ACOXL: variants seen among roughly 807,000 people sequenced by gnomAD.
ACOXL encodes acyl-coenzyme A oxidase-like protein.
ACOXL carries 70 observed loss-of-function variants against 71.9 expected under a neutral mutation model. The observed-to-expected ratio is 0.97, with a 90% CI of 0.80 to 1.19. The LOEUF (loss-of-function observed/expected upper bound fraction) is 1.19, where lower values mean the gene tolerates loss of function less well. Among genes scored for constraint, ACOXL ranks in the 50% most tolerant of loss-of-function variants. The pLI is 0.00. For synonymous variants in ACOXL, 253 were observed against 281.6 expected, an observed-to-expected ratio of 0.90 and a Z score of 1.02; for missense variants, 703 against 736.3, an observed-to-expected ratio of 0.95 and a Z score of 0.52.
intron 10 of ACOXL, among the ~76,000 whole-genome samples, chr2:110,867,005 T>C (rs997523): frequency 0.66 from 100,286 of 152,078 alleles, 33,478 homozygotes; most frequent in South Asian, 0.76. Flanking sequence ...GGCTGCCTGA[T>C]GCATCAGGGT....
chr2:110,901,673 C>CACAT lies in ACOXL; in HGVS notation c.789-7115_789-7114insCATA, dbSNP rs1491437526. On this transcript the variant is annotated intron_variant, in intron 10 of 17. Coordinates refer to ENST00000439055, the MANE Select transcript of ACOXL (RefSeq NM_001142807.4). ...ACACACACACACACACACACACACA[C>CACAT]ATATACACTCACTTACACACACACA... Among the ~76,000 whole-genome samples the CACAT allele has an allele frequency of 1.8e-3, 254 of 139,608 alleles. 3 individuals carry two copies. Among genetic ancestry groups the CACAT allele is most frequent in the African/African-American group, 6.4e-3 (245 of 38,082 alleles). The allele number at this position is 139,608 out of a possible 152,430, so 91.6% of individuals were successfully genotyped here.
chr2:110,925,518 A>G (rs148909312), intron 11 of ACOXL, among the ~76,000 whole-genome samples: 71 of 152,344 alleles, frequency 4.7e-4, no homozygotes, highest in Non-Finnish European at 7.2e-4. Context: ...TCAAGAACCA[A>G]TTTAGCCTCA....
At chr2:111,048,639 A>G (rs966303510) in intron 15 of ACOXL, among the ~76,000 whole-genome samples, 1 of 152,170 alleles carries the variant, frequency 6.6e-6, no homozygotes, top group African/African-American at 2.4e-5. Flanking sequence ...GGCCAATTTC[A>G]ATGGATTACT....
Position 110,801,642 on chromosome 2 carries a change from T to C in ACOXL, c.548-10T>C. On this transcript the variant is annotated splice_polypyrimidine_tract_variant and intron_variant, in intron 7 of 17. Coordinates refer to ENST00000439055, the MANE Select transcript of ACOXL (RefSeq NM_001142807.4). ...ATGCTGCATCCATTTCCCCTTTCTA[T>C]TCTTGCCAGGTCTGCATGGTGTGGA... The C allele has an allele frequency of 6.2e-7, 1 of 1,613,406 alleles. No individual in the cohort carries two copies. The highest frequency in any genetic ancestry group is 8.5e-7 in the Non-Finnish European group (1 of 1,179,426).
chr2:111,058,974 T>G (rs1282583260), intron 16 of ACOXL, among the ~76,000 whole-genome samples: 1 of 152,222 alleles, frequency 6.6e-6, no homozygotes, highest in African/African-American at 2.4e-5. Flanking sequence ...GGGCAGTGTC[T>G]CATGCCTATA....
intron 12 of ACOXL, among the ~76,000 whole-genome samples, chr2:110,935,133 TCAGG>T (rs1214743873): frequency 6.6e-6 from 1 of 152,068 alleles, no homozygotes; most frequent in African/African-American, 2.4e-5. Flanking sequence ...AAGTGGCCCC[TCAGG>T]CAGGGACAGC....
chr2:110,863,601 C>A (rs889191914), intron 10 of ACOXL, among the ~76,000 whole-genome samples: 1 of 152,130 alleles, frequency 6.6e-6, no homozygotes, highest in African/African-American at 2.4e-5. Flanking sequence ...GCACCCCCCC[C>A]AACTGGTTGG....
intron 10 of ACOXL, among the ~76,000 whole-genome samples, chr2:110,875,631 C>T (rs1431431868): frequency 6.6e-6 from 1 of 152,114 alleles, no homozygotes; most frequent in Non-Finnish European, 1.5e-5. Context: ...CTGCTCACCT[C>T]GATCCTATCA....
chr2:110,805,293 C>G lies in ACOXL; in HGVS notation c.651C>G (p.Tyr217Ter). 6.2e-7 allele frequency: 1 copy of G among 1,614,218 alleles called. No homozygotes were observed. Among genetic ancestry groups the G allele is most frequent in the Admixed American group, 1.7e-5 (1 of 60,030 alleles). ...GTTCCGTGGCTCCAGATGGACAGTA[C>G]CATTCGCCTATTAGGAACAAGAGTG... ...KFGSVAPDGQ[Y>*]HSPIRNKSAR... Residue 217 changes from tyrosine (Y) to a stop codon, truncating the protein, a stop_gained, in exon 9 of 18, where the codon TAC becomes TAG. Coordinates refer to ENST00000439055, the MANE Select transcript of ACOXL (RefSeq NM_001142807.4). LOFTEE classifies it high-confidence loss of function.
At chr2:111,081,827 A>G (rs952820931) in intron 16 of ACOXL, among the ~76,000 whole-genome samples, 1 of 152,222 alleles carries the variant, frequency 6.6e-6, no homozygotes, top group Non-Finnish European at 1.5e-5. Flanking sequence ...AAACAGATAT[A>G]TAGACCAATG....
rs1235935206 is a variant in ACOXL, at chr2:110,796,842, A to G, written c.346-1768A>G. On this transcript the variant is annotated intron_variant, in intron 5 of 17. Transcript: ENST00000439055. ...GTTAAAAGTTTCCCTGTGCAAACATATGTCAGAGAATGTTTTCTTAGGCTT... is the reference window on the plus strand; with the variant it reads ...GTTAAAAGTTTCCCTGTGCAAACATGTGTCAGAGAATGTTTTCTTAGGCTT... 2.6e-5 allele frequency among the ~76,000 whole-genome samples: 4 copies of G among 152,338 alleles called. No homozygotes were observed. The East Asian group carries it at 5.8e-4, about 22-fold the overall frequency.
chr2:111,088,887 A>G (rs541382585), intron 16 of ACOXL, among the ~76,000 whole-genome samples: 1 of 152,362 alleles, frequency 6.6e-6, no homozygotes, highest in East Asian at 1.9e-4. Flanking sequence ...TAGTTTATGT[A>G]CAAATAGAAA....
At chr2:111,040,190 C>CA (rs2065712706) in intron 15 of ACOXL, among the ~76,000 whole-genome samples, 1 of 152,194 alleles carries the variant, frequency 6.6e-6, no homozygotes, top group Non-Finnish European at 1.5e-5. Flanking sequence ...CAGCTGAGCT[C>CA]AGTTTGCTCT....
intron 10 of ACOXL, among the ~76,000 whole-genome samples, chr2:110,903,252 C>A (rs975267022): frequency 3.3e-5 from 5 of 152,360 alleles, no homozygotes; most frequent in East Asian, 3.9e-4. Flanking sequence ...GCGGCCCCCC[C>A]AGAGGCTGCG....
intron 11 of ACOXL, among the ~76,000 whole-genome samples, chr2:110,924,556 C>G (rs2060201198): frequency 1.3e-5 from 2 of 152,166 alleles, no homozygotes; most frequent in African/African-American, 4.8e-5. Flanking sequence ...AAACCACTTT[C>G]TTTGCTCCTT....
At chr2:110,766,322 C>T (rs986739511) in intron 1 of ACOXL, among the ~76,000 whole-genome samples, 2 of 152,142 alleles carry the variant, frequency 1.3e-5, no homozygotes, top group Non-Finnish European at 2.9e-5. Flanking sequence ...TATTTTTTAG[C>T]ATGGGGTCCC....
rs1234318012 is a variant in ACOXL at position 111,100,688 on chromosome 2, TG to T, written c.1542+7723del. On this transcript the variant is annotated intron_variant, in intron 17 of 17. Coordinates refer to ENST00000439055, the MANE Select transcript of ACOXL (RefSeq NM_001142807.4). The stretch of plus-strand genomic sequence containing the variant: ...TTTGGTGTCCCCCTGATTTGCTAGG[TG>T]AAGCCCAGATTCACCAGCACAAGCA... 5 of 153,190 alleles carry T rather than the reference TG, an allele frequency of 3.3e-5. No homozygotes were observed. The East Asian group carries it at 9.6e-4, about 30-fold the overall frequency. 9.5% of individuals were successfully genotyped at this position (153,190 alleles called of 1,614,324 possible).
At position 110,821,150 on chromosome 2, in the gene ACOXL, C is replaced by T. The variant is rs1056405701; in HGVS notation, c.753+15755C>T. ...CTCTCAAAGCCCCTGGTTCCATGGT[C>T]GTGTGGCAGGGGAGGCCCTGCCCTT... On this transcript the variant is annotated intron_variant, in intron 9 of 17. Coordinates refer to ENST00000439055, the MANE Select transcript of ACOXL (RefSeq NM_001142807.4). 5.9e-5 allele frequency among the ~76,000 whole-genome samples: 9 copies of T among 152,204 alleles called. No individual in the cohort carries two copies. The East Asian group carries it at 9.6e-4, about 16-fold the overall frequency.
chr2:110,934,217 T>A (rs921214696), intron 12 of ACOXL, among the ~76,000 whole-genome samples: 3 of 152,166 alleles, frequency 2.0e-5, no homozygotes, highest in African/African-American at 7.2e-5. Context: ...ACTCTGCAGG[T>A]CTCCACACCC....
Sources: allele counts gnomAD v4.1 joint callset (sites outside exome capture counted in the v4.1 genomes callset), GRCh38; gene constraint gnomAD v4.1.1; transcripts MANE v1.5; gene names NCBI Gene and HGNC (gene_info 2026-07-23, HGNC 2026-07-21).